The following PCDHA4 variants were observed in gnomAD, a reference collection of about 807,000 sequenced individuals.
PCDHA4 encodes protocadherin alpha 4, also known as protocadherin alpha-4.
Under a neutral mutation model 61.4 loss-of-function variants are expected in PCDHA4, and 49 were observed. The ratio of observed to expected loss-of-function variants is 0.80; its 90% CI spans 0.63 to 1.01. The LOEUF is 1.01. Among genes scored for constraint, PCDHA4 ranks in the 50% least tolerant of loss-of-function variants. The probability of loss-of-function intolerance (pLI) is 0.00; values close to 1 mark genes in which losing one functional copy is unlikely to be tolerated. For synonymous variants in PCDHA4, 590 were observed against 550.3 expected, an observed-to-expected ratio of 1.07 and a Z score of -1.01; for missense variants, 1,254 against 1,235.8, an observed-to-expected ratio of 1.01 and a Z score of -0.22.
intron 1 of PCDHA4, chr5:140,870,333 C>T (rs564033882): frequency 1.2e-6 from 2 of 1,614,164 alleles, no homozygotes; most frequent in South Asian, 2.2e-5. Flanking sequence ...TGCTGGACAG[C>T]GCCCTGGACC....
intron 1 of PCDHA4, among the ~76,000 whole-genome samples, chr5:140,840,582 C>T (rs1776775651): frequency 6.6e-6 from 1 of 151,916 alleles, no homozygotes; most frequent in African/African-American, 2.4e-5. Flanking sequence ...TCAGAGAAAT[C>T]ATAAAGGAAA....
chr5:140,863,334 G>T (rs782071935), intron 1 of PCDHA4: 24 of 1,387,574 alleles, frequency 1.7e-5, no homozygotes, highest in South Asian at 5.7e-5. Flanking sequence ...TAGTGCTCAC[G>T]TTGCTGCTGT....
intron 1 of PCDHA4, among the ~76,000 whole-genome samples, chr5:140,958,548 A>C (rs185504563): frequency 6.6e-6 from 1 of 152,180 alleles, no homozygotes; most frequent in African/African-American, 2.4e-5. Context: ...TTATGAACCA[A>C]TAAATGTTTC....
At position 140,950,714 on chromosome 5, in the gene PCDHA4, TA is replaced by T. The variant is rs554168605; in HGVS notation, c.2386-28234del. On this transcript the variant is annotated intron_variant, in intron 1 of 3. Coordinates refer to ENST00000530339, the MANE Select transcript of PCDHA4 (RefSeq NM_018907.4). ...AAATTTGACAAATTTTTGTTCCTTA[TA>T]TCCTTAAATTTTTTAATCCTAATTT... Among the ~76,000 whole-genome samples the T allele has an allele frequency of 2.0e-3, 304 of 152,244 alleles. 4 individuals are homozygous for T. The highest frequency in any genetic ancestry group is 6.6e-3 in the African/African-American group (275 of 41,574).
At chr5:140,919,610 T>G (rs1173177727) in intron 1 of PCDHA4, among the ~76,000 whole-genome samples, 1 of 152,216 alleles carries the variant, frequency 6.6e-6, no homozygotes, top group Non-Finnish European at 1.5e-5. Flanking sequence ...AATTTTAAAC[T>G]GTATCTTTTG....
intron 1 of PCDHA4, among the ~76,000 whole-genome samples, chr5:140,941,202 C>CCTTTCTTCCTTTCTTTCTTTCTTTCTTT (rs1394736170): frequency 6.0e-4 from 74 of 122,806 alleles, no homozygotes; most frequent in Middle Eastern, 4.2e-3. Flanking sequence ...TTTCTTTCTT[C>CCTTTCTTCCTTTCTTTCTTTCTTTCTTT]CTTTCTTTCT....
At chr5:140,828,561 C>G (rs2150156811) in intron 1 of PCDHA4, 1 of 1,614,178 alleles carries the variant, frequency 6.2e-7, no homozygotes, top group Admixed American at 1.7e-5. Flanking sequence ...CTGGAGGGCG[C>G]GTCCGATGCA....
chr5:140,841,799 G>A (rs2150322924), intron 1 of PCDHA4: 2 of 1,613,942 alleles, frequency 1.2e-6, no homozygotes, highest in East Asian at 2.2e-5. Context: ...CGCGTCCGAT[G>A]CAGATGTTGG....
chr5:140,869,853 C>A (rs1408875478), intron 1 of PCDHA4: 1 of 1,610,606 alleles, frequency 6.2e-7, no homozygotes, highest in Admixed American at 1.7e-5. Context: ...ATAAGGTGAG[C>A]CTTATGGAAA....
At chr5:140,854,631 G>T (rs373536386) in intron 1 of PCDHA4, 1 of 149,874 alleles carries the variant, frequency 6.7e-6, no homozygotes, top group African/African-American at 2.4e-5. Context: ...CTTTAGAAAA[G>T]TCAAAACATC....
intron 1 of PCDHA4, chr5:140,967,393 G>A (rs1437861925): frequency 1.2e-6 from 2 of 1,609,910 alleles, no homozygotes; most frequent in African/African-American, 2.7e-5. Flanking sequence ...TGCTTGAGCT[G>A]GTGCTGCGTA....
intron 1 of PCDHA4, among the ~76,000 whole-genome samples, chr5:140,917,749 C>G (rs2078340847): frequency 6.6e-6 from 1 of 152,144 alleles, no homozygotes; most frequent in African/African-American, 2.4e-5. Flanking sequence ...TCCCATTGGT[C>G]TATGTGTCTG....
At chr5:140,834,569 C>A in intron 1 of PCDHA4, 1 of 1,614,088 alleles carries the variant, frequency 6.2e-7, no homozygotes, top group South Asian at 1.1e-5. Flanking sequence ...TGGTGCCGCG[C>A]CTGTTCCGGG....
At chr5:140,923,826 T>A (rs2081533545) in intron 1 of PCDHA4, among the ~76,000 whole-genome samples, 1 of 152,218 alleles carries the variant, frequency 6.6e-6, no homozygotes, top group East Asian at 1.9e-4. Context: ...TAGACGTCAG[T>A]GGCAGTTTAA....
chr5:140,967,985 A>C, intron 1 of PCDHA4: 1 of 1,614,218 alleles, frequency 6.2e-7, no homozygotes, highest in Non-Finnish European at 8.5e-7. Context: ...TCTGGAGGCC[A>C]CACTGCCTTT....
chr5:140,863,840 G>T (rs2048198603), intron 1 of PCDHA4: 1 of 181,960 alleles, frequency 5.5e-6, no homozygotes, highest in Admixed American at 5.3e-5. Flanking sequence ...CTCTACTAAA[G>T]ATATAAAAAA....
chr5:140,927,086 A>G (rs2083826085), intron 1 of PCDHA4: 5 of 1,612,296 alleles, frequency 3.1e-6, no homozygotes, highest in Non-Finnish European at 3.4e-6. Context: ...CGCGAGCTCT[A>G]CTTCGGGGTG....
intron 1 of PCDHA4, among the ~76,000 whole-genome samples, chr5:140,961,915 G>A (rs1393178053): frequency 2.0e-5 from 3 of 147,010 alleles, no homozygotes; most frequent in East Asian, 4.0e-4. Context: ...ATGGAGTCTC[G>A]CTCTGTTGCC....
At chr5:140,904,015 A>G (rs1374371306) in intron 1 of PCDHA4, among the ~76,000 whole-genome samples, 1 of 152,234 alleles carries the variant, frequency 6.6e-6, no homozygotes, top group Non-Finnish European at 1.5e-5. Context: ...ACTTTAAAAA[A>G]TAATGGTATA....
Sources: allele counts gnomAD v4.1 joint callset (sites outside exome capture counted in the v4.1 genomes callset), GRCh38; gene constraint gnomAD v4.1.1; transcripts MANE v1.5; gene names NCBI Gene and HGNC (gene_info 2026-07-23, HGNC 2026-07-21).